Variants in LANCL2 observed in about 807,000 individuals in gnomAD.
The protein encoded by LANCL2 is lanC-like protein 2.
Under a neutral mutation model 56.9 loss-of-function variants are expected in LANCL2, and 33 were observed. That is an observed-to-expected ratio of 0.58 (90% CI 0.44 to 0.78). The LOEUF (loss-of-function observed/expected upper bound fraction) is 0.78, where lower values mean the gene tolerates loss of function less well. Among genes scored for constraint, LANCL2 ranks in the 30% least tolerant of loss-of-function variants. LANCL2 has a pLI of 0.00. For synonymous variants in LANCL2, 233 were observed against 228.2 expected (o/e 1.02, Z -0.19); for missense variants, 562 against 580.2 (o/e 0.97, Z 0.32).
At chr7:55,399,800 C>G (rs143161573) in intron 3 of LANCL2, among the ~76,000 whole-genome samples, 157 bp from the exon 4 acceptor site, 1 of 151,974 alleles carries the variant, frequency 6.6e-6, no homozygotes, top group South Asian at 2.1e-4. Context: ...AAACTGGAGA[C>G]GTTTTTGTTG....
intron 5 of LANCL2, among the ~76,000 whole-genome samples, chr7:55,407,748 C>T (rs1407106896): frequency 2.0e-5 from 3 of 152,232 alleles, no homozygotes; most frequent in Non-Finnish European, 4.4e-5. Context: ...GCTTGCTGGC[C>T]ACCCCAGGCA....
chr7:55,387,356 C>A (rs528525579), intron 1 of LANCL2, among the ~76,000 whole-genome samples: 1 of 152,208 alleles, frequency 6.6e-6, no homozygotes, highest in East Asian at 1.9e-4. Context: ...CAAAAAGAAA[C>A]GTTTTAGCAC....
At chr7:55,407,240 G>A (rs1462956811) in intron 5 of LANCL2, among the ~76,000 whole-genome samples, 1 of 152,146 alleles carries the variant, frequency 6.6e-6, no homozygotes, top group African/African-American at 2.4e-5. Flanking sequence ...GTGAAGCACA[G>A]AACTAAAAAT....
intron 6 of LANCL2, among the ~76,000 whole-genome samples, chr7:55,414,360 T>C (rs935288599): frequency 6.6e-6 from 1 of 152,302 alleles, no homozygotes; most frequent in East Asian, 1.9e-4. Context: ...AGGGCCTCCA[T>C]TTATTAAAGC....
intron 3 of LANCL2, among the ~76,000 whole-genome samples, chr7:55,399,543 A>T (rs916098671): frequency 1.3e-5 from 2 of 152,120 alleles, no homozygotes; most frequent in African/African-American, 4.8e-5. Context: ...GGGTTTCACC[A>T]TGTTGGTCAG....
In LANCL2 at chr7:55,431,495, CTCA is replaced by C; in HGVS notation, c.*179_*181del. On this transcript the variant is annotated 3_prime_UTR_variant, in exon 9 of 9. Coordinates refer to ENST00000254770, the MANE Select transcript of LANCL2 (RefSeq NM_018697.4). ...TCCATCAACATTTTCTAACAGCACC[CTCA>C]TCAATATAAAATATGACTTCTTCAC... is the stretch of plus-strand genomic sequence containing the variant. 1 of 551,774 alleles carries C rather than the reference CTCA, an allele frequency of 1.8e-6. No homozygotes were observed. Among genetic ancestry groups the C allele is most frequent in the East Asian group, 3.0e-5 (1 of 33,468 alleles). 34.2% of individuals were successfully genotyped at this position (551,774 alleles called of 1,614,324 possible). A position where few individuals can be genotyped will look rare whatever the true frequency, so the allele number is the denominator to read the frequency against.
chr7:55,407,256 G>A (rs879451941), intron 5 of LANCL2, among the ~76,000 whole-genome samples: 8 of 152,146 alleles, frequency 5.3e-5, no homozygotes, highest in Admixed American at 1.3e-4. Context: ...AAAATAGGGG[G>A]CGAGAGTGAG....
chr7:55,384,308 C>T (rs1344527098), intron 1 of LANCL2, among the ~76,000 whole-genome samples: 2 of 152,198 alleles, frequency 1.3e-5, no homozygotes, highest in Non-Finnish European at 2.9e-5. Context: ...AATCCCAGCA[C>T]TTTGGGAGGC....
At chr7:55,401,550 CTTTTTT>C in intron 5 of LANCL2, among the ~76,000 whole-genome samples, 1 of 51,332 alleles carries the variant, frequency 1.9e-5, no homozygotes, top group South Asian at 9.7e-4. Flanking sequence ...TTCCAATTTT[CTTTTTT>C]TTTTTTTTTT....
intron 5 of LANCL2, among the ~76,000 whole-genome samples, chr7:55,408,306 T>A (rs888513267): frequency 1.3e-5 from 2 of 152,022 alleles, no homozygotes; most frequent in Non-Finnish European, 2.9e-5. Context: ...ATGTGACTAG[T>A]GGGAGACCTA....
At chr7:55,392,689 A>G (rs1484920498) in intron 2 of LANCL2, among the ~76,000 whole-genome samples, 2 of 152,160 alleles carry the variant, frequency 1.3e-5, no homozygotes, top group South Asian at 2.1e-4. Flanking sequence ...TATGTCTTCA[A>G]TGATGAGATG....
At chr7:55,401,545 A>ATTTTTT in intron 5 of LANCL2, among the ~76,000 whole-genome samples, 1 of 31,890 alleles carries the variant, frequency 3.1e-5, no homozygotes, top group South Asian at 8.9e-4. Flanking sequence ...TTTTTTTCCA[A>ATTTTTT]TTTTCTTTTT....
At chr7:55,377,250 G>A (rs913226481) in intron 1 of LANCL2, among the ~76,000 whole-genome samples, 24 of 152,138 alleles carry the variant, frequency 1.6e-4, no homozygotes, top group African/African-American at 5.3e-4. Flanking sequence ...CAGAATATGT[G>A]TATATGTTCT....
chr7:55,398,137 A>G (rs1790277586), intron 2 of LANCL2, among the ~76,000 whole-genome samples: 1 of 152,206 alleles, frequency 6.6e-6, no homozygotes, highest in African/African-American at 2.4e-5. Flanking sequence ...GAAGTGATGT[A>G]TCTTCTGTTG....
At chr7:55,400,260 A>G (rs1790305876) in intron 4 of LANCL2, among the ~76,000 whole-genome samples, 156 bp downstream of exon 4, 1 of 152,202 alleles carries the variant, frequency 6.6e-6, no homozygotes, top group African/African-American at 2.4e-5. Flanking sequence ...TTTTCTAGGA[A>G]CATTAACAAA....
At chr7:55,379,828 T>C (rs1342556614) in intron 1 of LANCL2, 1 of 152,156 alleles carries the variant, frequency 6.6e-6, no homozygotes, top group Non-Finnish European at 1.5e-5. Flanking sequence ...CCAGAAAGCA[T>C]TGCTAGTAAG....
intron 5 of LANCL2, among the ~76,000 whole-genome samples, chr7:55,406,689 A>C (rs1259958805): frequency 6.6e-6 from 1 of 152,238 alleles, no homozygotes; most frequent in African/African-American, 2.4e-5. Context: ...TTGGAAGGCT[A>C]TCAGAACAAT....
chr7:55,401,513 GT>G (rs1790324834), intron 5 of LANCL2, among the ~76,000 whole-genome samples, 193 bp downstream of exon 5: 2 of 66,066 alleles, frequency 3.0e-5, no homozygotes, highest in African/African-American at 1.5e-4. Context: ...TTGGTATGGA[GT>G]CTTTTTTTTT....
intron 5 of LANCL2, among the ~76,000 whole-genome samples, chr7:55,402,137 A>G (rs1479884037): frequency 2.8e-3 from 165 of 58,670 alleles, no homozygotes; most frequent in Middle Eastern, 9.6e-3. Context: ...GGCGCCCCTC[A>G]CCTCCCGGAC....
Sources: allele counts gnomAD v4.1 joint callset (sites outside exome capture counted in the v4.1 genomes callset), GRCh38; gene constraint gnomAD v4.1.1; transcripts MANE v1.5; gene names NCBI Gene and HGNC (gene_info 2026-07-23, HGNC 2026-07-21).